FUT8: variants seen among roughly 807,000 people sequenced by gnomAD.
FUT8 encodes the protein fucosyltransferase 8, also known as alpha-(1,6)-fucosyltransferase.
FUT8 carries 29 observed loss-of-function variants against 71.3 expected under a neutral mutation model. The ratio of observed to expected loss-of-function variants is 0.41; its 90% confidence interval spans 0.30 to 0.55. The LOEUF is 0.55. Ranked by LOEUF, FUT8 falls within the 20% of genes least tolerant of loss-of-function variation. FUT8 has a pLI of 0.34. For missense variants in FUT8, 544 were observed against 702.1 expected, an observed-to-expected ratio of 0.77 and a Z score of 2.55; for synonymous variants, 254 against 239.3, an observed-to-expected ratio of 1.06 and a Z score of -0.57.
At position 65,550,816 on chromosome 14, in the gene FUT8, T is replaced by C. The variant is rs867399984; in HGVS notation, c.-227-10521T>C. On this transcript the variant is annotated intron_variant, in intron 2 of 10. Coordinates refer to ENST00000673929, the MANE Select transcript of FUT8 (RefSeq NM_001371533.1). This position sits in a 1 kb window ranked among gnomAD's most constrained non-coding sequence, Gnocchi z 4.5. ...ATTTTCCTTCTTGTTGGCATCATAG[T>C]ATAAAATACATATTTTTGGCAAAGT... Among the ~76,000 whole-genome samples the C allele has an allele frequency of 2.0e-5, 3 of 152,364 alleles. No homozygotes were observed. The South Asian group carries it at 6.2e-4, about 32-fold the overall frequency.
At chr14:65,543,780 A>G (rs1218131680) in intron 2 of FUT8, among the ~76,000 whole-genome samples, 1 of 152,174 alleles carries the variant, frequency 6.6e-6, no homozygotes, top group Non-Finnish European at 1.5e-5. Flanking sequence ...GATGACTGTC[A>G]GTGGTTTCCT....
At chr14:65,456,850 T>A (rs2065900429) in intron 2 of FUT8, among the ~76,000 whole-genome samples, 1 of 150,344 alleles carries the variant, frequency 6.7e-6, no homozygotes, top group Non-Finnish European at 1.5e-5. Context: ...TCTAGTCTGG[T>A]GACAGAGTGA....
intron 7 of FUT8, among the ~76,000 whole-genome samples, chr14:65,710,011 T>C (rs1438780954): frequency 6.6e-6 from 1 of 152,334 alleles, no homozygotes. Flanking sequence ...TTCTCTCTCT[T>C]TTTCAGTTGG....
chr14:65,376,236 T>G, the FUT8 span, among the ~76,000 whole-genome samples: 2 of 152,202 alleles, frequency 1.3e-5, no homozygotes, highest in Admixed American at 1.3e-4. Context: ...TAGCAAATAT[T>G]ACAGGGCAGT....
At chr14:65,452,541 TG>T (rs918440107) in intron 1 of FUT8, among the ~76,000 whole-genome samples, 1 of 152,096 alleles carries the variant, frequency 6.6e-6, no homozygotes, top group African/African-American at 2.4e-5. Context: ...GCTGGGAGAT[TG>T]GGGGGCCAAG....
chr14:65,504,642 A>G (rs1035995354), intron 2 of FUT8, among the ~76,000 whole-genome samples: 1 of 152,196 alleles, frequency 6.6e-6, no homozygotes, highest in Non-Finnish European at 1.5e-5. Context: ...CTCCTCACTC[A>G]GAAAACGTTG....
At chr14:65,728,606 G>T (rs367610806) in intron 9 of FUT8, among the ~76,000 whole-genome samples, 1 of 152,186 alleles carries the variant, frequency 6.6e-6, no homozygotes, top group East Asian at 1.9e-4. Context: ...TAACATTTCA[G>T]TCAGCGATGA....
intron 7 of FUT8, among the ~76,000 whole-genome samples, chr14:65,676,306 A>G (rs1264422511): frequency 6.6e-6 from 1 of 152,134 alleles, no homozygotes; most frequent in African/African-American, 2.4e-5. Flanking sequence ...TTTCTGAAAA[A>G]TCTCCTAAAG....
At chr14:65,662,440 C>T (rs1463571320) in intron 6 of FUT8, among the ~76,000 whole-genome samples, 1 of 151,968 alleles carries the variant, frequency 6.6e-6, no homozygotes, top group African/African-American at 2.4e-5. Flanking sequence ...TCAGAAGAAT[C>T]CTGTTATATC....
At chr14:65,508,166 CA>C (rs1882057889) in intron 2 of FUT8, among the ~76,000 whole-genome samples, 1 of 148,460 alleles carries the variant, frequency 6.7e-6, no homozygotes, top group Non-Finnish European at 1.5e-5. Flanking sequence ...TTCCTAGATT[CA>C]AGCAATTCTC....
At chr14:65,737,427 C>T (rs936876747) in intron 10 of FUT8, among the ~76,000 whole-genome samples, 3 of 152,022 alleles carry the variant, frequency 2.0e-5, no homozygotes, top group African/African-American at 7.2e-5. Flanking sequence ...AAACGTTCTA[C>T]CAAATACATT....
chr14:65,442,527 A>ATACG (rs1369751511), intron 1 of FUT8, among the ~76,000 whole-genome samples: 1 of 151,508 alleles, frequency 6.6e-6, no homozygotes, highest in Non-Finnish European at 1.5e-5. Flanking sequence ...AAATACATAC[A>ATACG]TACATACATA....
chr14:65,413,076 CCT>C lies in FUT8; in HGVS notation c.-460_-459del, dbSNP rs1005470650. On this transcript the variant is annotated 5_prime_UTR_variant, in exon 1 of 11. Coordinates refer to ENST00000673929, the MANE Select transcript of FUT8 (RefSeq NM_001371533.1). This position sits in a 1 kb window ranked among gnomAD's most constrained non-coding sequence, Gnocchi z 4.1. Reference sequence around the variant, plus strand: ...GCGGCGGTTCCTGTTTCCGTTTCTTCCTCTCCGTTCGGTCGGGAGTAGCATCC... The same window carrying C: ...GCGGCGGTTCCTGTTTCCGTTTCTTCCTCCGTTCGGTCGGGAGTAGCATCC... 1 of 153,074 alleles carries C rather than the reference CCT, an allele frequency of 6.5e-6. No individual in the cohort carries two copies. Among genetic ancestry groups the C allele is most frequent in the Non-Finnish European group, 1.5e-5 (1 of 68,386 alleles). 9.5% of individuals were successfully genotyped at this position (153,074 alleles called of 1,614,324 possible).
rs1010902842 is a variant in FUT8, at chr14:65,472,708, A to C, written c.-228+16990A>C. 6.6e-6 allele frequency among the ~76,000 whole-genome samples: 1 copy of C among 152,180 alleles called. No homozygotes were observed. Among genetic ancestry groups the C allele is most frequent in the East Asian group, 1.9e-4 (1 of 5,204 alleles). The stretch of plus-strand genomic sequence containing the variant: ...CTGATACTTTGGATTTATGGAACCA[A>C]TTAATTTGATGACTCATTTACATTG... On this transcript the variant is annotated intron_variant, in intron 2 of 10. Transcript: ENST00000673929. The surrounding 1 kb of genome is among the most constrained non-coding windows in gnomAD (Gnocchi z 4.4).
intron 2 of FUT8, among the ~76,000 whole-genome samples, chr14:65,457,413 A>G (rs754833750): frequency 1.6e-4 from 25 of 152,334 alleles, no homozygotes; most frequent in Middle Eastern, 3.4e-3. Context: ...AAGGGGATCT[A>G]TTGGAACTTG....
intron 9 of FUT8, among the ~76,000 whole-genome samples, chr14:65,725,632 G>A (rs957303907): frequency 6.6e-6 from 1 of 152,124 alleles, no homozygotes; most frequent in African/African-American, 2.4e-5. Flanking sequence ...GTAGTGTTTA[G>A]CACTTGCTTA....
At chr14:65,594,734 C>A (rs1360790145) in intron 3 of FUT8, among the ~76,000 whole-genome samples, 1 of 152,046 alleles carries the variant, frequency 6.6e-6, no homozygotes, top group Non-Finnish European at 1.5e-5. Context: ...GGTTGCTCTC[C>A]CCTGAAGTCA....
At chr14:65,597,791 A>G (rs769024104) in intron 3 of FUT8, among the ~76,000 whole-genome samples, 4 of 152,178 alleles carry the variant, frequency 2.6e-5, no homozygotes, top group Non-Finnish European at 4.4e-5. Context: ...ACTGACTAAT[A>G]TGGACAACTA....
At chr14:65,622,906 C>T (rs1594828948) in intron 5 of FUT8, among the ~76,000 whole-genome samples, 5 of 106,630 alleles carry the variant, frequency 4.7e-5, no homozygotes, top group Non-Finnish European at 2.0e-5. Flanking sequence ...GGGGGAGCTT[C>T]TCTGTTTTTT....
Sources: allele counts gnomAD v4.1 joint callset (sites outside exome capture counted in the v4.1 genomes callset), GRCh38; gene constraint gnomAD v4.1.1; non-coding constraint Gnocchi (gnomAD v3.1); transcripts MANE v1.5; gene names NCBI Gene and HGNC (gene_info 2026-07-23, HGNC 2026-07-21).